The following DCAF6 variants were observed in gnomAD, a reference collection of about 807,000 sequenced individuals.
The protein encoded by DCAF6 is DDB1 and CUL4 associated factor 6.
DCAF6 carries 54 observed loss-of-function variants against 125.1 expected under a neutral mutation model. The observed-to-expected ratio is 0.43, with a 90% CI of 0.35 to 0.54. The LOEUF (loss-of-function observed/expected upper bound fraction) is 0.54, where lower values mean the gene tolerates loss of function less well. DCAF6 is among the 20% of genes least tolerant of loss of function. The pLI is 0.01. For synonymous variants in DCAF6, 371 were observed against 390.4 expected (o/e 0.95, Z 0.58); for missense variants, 934 against 1,161.7 (o/e 0.80, Z 2.85).
the DCAF6 span, among the ~76,000 whole-genome samples, chr1:167,915,382 T>A: frequency 1.2e-4 from 19 of 152,230 alleles, no homozygotes; most frequent in Non-Finnish European, 1.5e-5. Flanking sequence ...ACACAGTATA[T>A]CCTTTTTGTA....
chr1:168,044,503 T>C lies in DCAF6; in HGVS notation c.1844-82T>C, dbSNP rs571650852. 5.1e-4 allele frequency: 444 copies of C among 874,128 alleles called. 2 individuals are homozygous for C. Among genetic ancestry groups the C allele is most frequent in the Non-Finnish European group, 7.2e-4 (376 of 518,646 alleles). 54.1% of individuals were successfully genotyped at this position (874,128 alleles called of 1,614,324 possible). On this transcript the variant is annotated intron_variant, in intron 14 of 21. Transcript: ENST00000367840. ...ATTATATATGAGGGACTTGAGGAGC[T>C]GCAGATTTTGGTATTTTCAGCGATT...
At chr1:167,968,473 G>C (rs73026125) in intron 3 of DCAF6, 21,150 of 152,248 alleles carry the variant, frequency 0.14, 1,957 homozygotes, top group African/African-American at 0.26. Context: ...CTGGAACTTG[G>C]TGGAACACCT....
chr1:167,975,151 A>C (rs561251027), intron 4 of DCAF6, 136 bp downstream of exon 4: 3 of 474,888 alleles, frequency 6.3e-6, no homozygotes, highest in African/African-American at 6.1e-5. Context: ...ATTATTGACA[A>C]TATCTAGGTG....
chr1:168,024,546 C>T (rs1044037855), intron 12 of DCAF6, among the ~76,000 whole-genome samples: 4 of 152,162 alleles, frequency 2.6e-5, no homozygotes, highest in Non-Finnish European at 5.9e-5. Context: ...TGGCCCACAC[C>T]TGTATTCCCA....
the DCAF6 span, chr1:167,904,047 A>C: frequency 1.8e-6 from 2 of 1,135,164 alleles, no homozygotes; most frequent in East Asian, 4.8e-5. Context: ...AAACAGAGCC[A>C]GAAGAGGACT....
chr1:168,051,487 G>A (rs773070897), intron 17 of DCAF6, among the ~76,000 whole-genome samples: 6 of 152,152 alleles, frequency 3.9e-5, no homozygotes, highest in Admixed American at 3.9e-4. Flanking sequence ...TTTTTGAGTA[G>A]ATCTTTAAAG....
At chr1:167,920,687 T>A in the DCAF6 span, 1 of 1,514,732 alleles carries the variant, frequency 6.6e-7, no homozygotes, top group Non-Finnish European at 8.9e-7. Flanking sequence ...GTAATAGTTT[T>A]AACTTTAAAT....
chr1:168,046,106 G>A (rs565198348), intron 16 of DCAF6, among the ~76,000 whole-genome samples: 1 of 152,096 alleles, frequency 6.6e-6, no homozygotes, highest in East Asian at 1.9e-4. Context: ...TCAAGAGCAT[G>A]ATGATGGGTT....
At chr1:168,023,785 T>C (rs947814248) in intron 12 of DCAF6, 1 of 152,264 alleles carries the variant, frequency 6.6e-6, no homozygotes, top group Non-Finnish European at 1.5e-5. Flanking sequence ...AAAGGCTATT[T>C]AGTGTTAGCG....
rs76024048 is a variant in DCAF6 at position 168,063,274 on chromosome 1, T to C, written c.2301-347T>C. ...AATATGGAGAAGAGGGGAAAGAACA[T>C]TGGATAAAATTTGTTATATTTGTAG... On this transcript the variant is annotated intron_variant, in intron 17 of 21. Transcript: ENST00000367840. Among the ~76,000 whole-genome samples the C allele has an allele frequency of 6.1e-3, 927 of 152,310 alleles. 5 individuals are homozygous for C. Among genetic ancestry groups the C allele is most frequent in the African/African-American group, 0.021 (891 of 41,560 alleles).
chr1:167,988,027 A>G (rs567373795), intron 5 of DCAF6, among the ~76,000 whole-genome samples: 4 of 152,152 alleles, frequency 2.6e-5, no homozygotes, highest in Non-Finnish European at 4.4e-5. Flanking sequence ...TTTTAAACCA[A>G]TAATTACATG....
chr1:167,929,377 A>T, the DCAF6 span, among the ~76,000 whole-genome samples: 1 of 152,158 alleles, frequency 6.6e-6, no homozygotes, highest in Non-Finnish European at 1.5e-5. Flanking sequence ...GAAAAAAAAA[A>T]GTCTACACAT....
At position 168,054,915 on chromosome 1, in the gene DCAF6, C is replaced by G. The variant is rs3767473; in HGVS notation, c.2300+3982C>G. ...CACTGCAACCTCTGCCTGCTGGGTTCAAGCAATTCTCCTGCCTCAGCCTCC... is the reference window on the plus strand; with the variant it reads ...CACTGCAACCTCTGCCTGCTGGGTTGAAGCAATTCTCCTGCCTCAGCCTCC... On this transcript the variant is annotated intron_variant, in intron 17 of 21. Transcript: ENST00000367840. Among the ~76,000 whole-genome samples the G allele has an allele frequency of 5.3e-5, 8 of 150,516 alleles. No individual in the cohort carries two copies. In the East Asian group the frequency reaches 1.6e-3, roughly 30 times the overall value.
At chr1:167,948,494 A>G (rs536817705) in intron 1 of DCAF6, among the ~76,000 whole-genome samples, 5 of 152,204 alleles carry the variant, frequency 3.3e-5, no homozygotes, top group Admixed American at 6.6e-5. Context: ...AACCATCTCT[A>G]TAAGTAATAA....
intron 12 of DCAF6, among the ~76,000 whole-genome samples, chr1:168,036,210 T>C (rs932229888): frequency 6.6e-6 from 1 of 152,244 alleles, no homozygotes; most frequent in Non-Finnish European, 1.5e-5. Context: ...GATCTCTTAA[T>C]AGTTTGTGTA....
chr1:168,032,193 T>C (rs868580241), intron 12 of DCAF6, among the ~76,000 whole-genome samples: 2 of 152,238 alleles, frequency 1.3e-5, no homozygotes, highest in Non-Finnish European at 2.9e-5. Context: ...AATTGCACTT[T>C]GTTTCGTTTT....
chr1:167,879,912 A>T, the DCAF6 span, among the ~76,000 whole-genome samples: 73 of 152,274 alleles, frequency 4.8e-4, no homozygotes, highest in African/African-American at 1.7e-3. Context: ...TCATGACTAC[A>T]TATTTCTCTA....
chr1:167,876,963 C>T, the DCAF6 span, among the ~76,000 whole-genome samples: 4 of 152,180 alleles, frequency 2.6e-5, no homozygotes, highest in South Asian at 6.2e-4. Context: ...CAACTGAGGC[C>T]GCCAGGTTGG....
chr1:167,951,809 A>C lies in DCAF6; in HGVS notation c.107A>C (p.Glu36Ala). The change falls in exon 2 of 22, where the codon GAA becomes GCA. Residue 36 changes from glutamate to alanine, a missense_variant. By Grantham distance (107) the Glu-to-Ala change is moderately radical (BLOSUM62 -1). Coordinates refer to ENST00000367840, the MANE Select transcript of DCAF6 (RefSeq NM_001198956.2). ...CTTTCTTTTTAAACAGGAAGAAGAG[A>C]ATTTATCCAAAGATTAAAACTTGAA... is the stretch of plus-strand genomic sequence containing the variant. ...RLRSRYLGRR[E>A]FIQRLKLEAT... is the part of the protein sequence containing the mutation. The C allele has an allele frequency of 1.3e-6, 2 of 1,593,156 alleles. No homozygotes were observed. Among genetic ancestry groups the C allele is most frequent in the Non-Finnish European group, 1.7e-6 (2 of 1,161,696 alleles).
Sources: allele counts gnomAD v4.1 joint callset (sites outside exome capture counted in the v4.1 genomes callset), GRCh38; gene constraint gnomAD v4.1.1; transcripts MANE v1.5; gene names NCBI Gene and HGNC (gene_info 2026-07-23, HGNC 2026-07-21).